The following CGREF1 variants were observed in gnomAD, a reference collection of about 807,000 sequenced individuals.
The protein encoded by CGREF1 is cell growth regulator with EF-hand domain 1, also known as cell growth regulator with EF hand domain protein 1.
CGREF1 carries 16 observed loss-of-function variants against 17.4 expected under a neutral mutation model. The ratio of observed to expected loss-of-function variants is 0.92; its 90% CI spans 0.62 to 1.40. CGREF1 has a LOEUF of 1.40. Among genes scored for constraint, CGREF1 ranks in the 40% most tolerant of loss-of-function variants. The pLI is 0.00. For synonymous variants in CGREF1, 142 were observed against 154.6 expected, an observed-to-expected ratio of 0.92 and a Z score of 0.61; for missense variants, 296 against 376.4, an observed-to-expected ratio of 0.79 and a Z score of 1.77.
In CGREF1 at chr2:27,101,011, G is replaced by A. The variant is rs1215077131; in HGVS notation, c.*263C>T. The A allele has an allele frequency of 3.9e-5, 50 of 1,269,578 alleles. No individual in the cohort carries two copies. In the East Asian group the frequency reaches 1.1e-3, roughly 27 times the overall value. The allele number at this position is 1,269,578 out of a possible 1,614,324, so 78.6% of individuals were successfully genotyped here. On this transcript the variant is annotated 3_prime_UTR_variant, in exon 6 of 6. Transcript: ENST00000402394. ...GGGCAGGCGGCATCCCTGTCCTTTC[G>A]GTCCCCAACCCCGTTCCTCTGAGAG...
chr2:27,109,371 T>TC (rs35803618), intron 1 of CGREF1, among the ~76,000 whole-genome samples: 1 of 133,888 alleles, frequency 7.5e-6, no homozygotes, highest in African/African-American at 2.8e-5. Flanking sequence ...GACCCTGTCT[T>TC]AAAAAAAAAA....
downstream of CGREF1, chr2:27,100,148 G>T (rs1670721588): frequency 7.7e-6 from 4 of 517,278 alleles, no homozygotes; most frequent in Non-Finnish European, 1.4e-5. Flanking sequence ...TGCCCTGGCT[G>T]GGGAGGACAC....
chr2:27,100,292 G>C (rs1670735775), downstream of CGREF1: 1 of 490,478 alleles, frequency 2.0e-6, no homozygotes, highest in South Asian at 1.8e-5. Flanking sequence ...AGGCCAGTGG[G>C]GGGCAGGGGT....
chr2:27,099,691 T>C (rs1485655131), downstream of CGREF1: 5 of 1,614,026 alleles, frequency 3.1e-6, no homozygotes, highest in Admixed American at 8.3e-5. Context: ...AGCACTGAGA[T>C]TCGGGTGCCA....
At chr2:27,116,766 G>A (rs1216827130) in intron 1 of CGREF1, among the ~76,000 whole-genome samples, 4 of 150,162 alleles carry the variant, frequency 2.7e-5, no homozygotes, top group Admixed American at 6.6e-5. Flanking sequence ...ATGGGGTTTC[G>A]GCATCTTGGC....
At chr2:27,110,082 G>A (rs969483543) in intron 1 of CGREF1, among the ~76,000 whole-genome samples, 4 of 151,850 alleles carry the variant, frequency 2.6e-5, no homozygotes, top group African/African-American at 9.7e-5. Flanking sequence ...GTAAAGGCTG[G>A]GTGTGTGGCT....
chr2:27,107,226 G>C (rs981779279), intron 1 of CGREF1, among the ~76,000 whole-genome samples: 1 of 150,568 alleles, frequency 6.6e-6, no homozygotes, highest in African/African-American at 2.5e-5. Flanking sequence ...GTTACACACA[G>C]AATATACAGC....
In CGREF1 at chr2:27,100,967, C is replaced by A; in HGVS notation, c.*307G>T. 8.5e-7 allele frequency: 1 copy of A among 1,171,840 alleles called. No individual in the cohort carries two copies. Among genetic ancestry groups the A allele is most frequent in the South Asian group, 2.9e-5 (1 of 33,928 alleles). The allele number at this position is 1,171,840 out of a possible 1,614,324, so 72.6% of individuals were successfully genotyped here. A position where few individuals can be genotyped will look rare whatever the true frequency, so the allele number is the denominator to read the frequency against. The stretch of plus-strand genomic sequence containing the variant: ...ACCATGCGCTCTGCTGCCGGAGCAC[C>A]GTGAGGCCCAGAAACACTGGGCAGG... On this transcript the variant is annotated 3_prime_UTR_variant, in exon 6 of 6. Transcript: ENST00000402394.
chr2:27,105,434 T>C (rs1481560151), intron 1 of CGREF1, among the ~76,000 whole-genome samples: 1 of 152,204 alleles, frequency 6.6e-6, no homozygotes, highest in Non-Finnish European at 1.5e-5. Flanking sequence ...ACCTGGCTAA[T>C]GGGAAGATAA....
At chr2:27,111,191 G>A (rs1297503550) in intron 1 of CGREF1, among the ~76,000 whole-genome samples, 1 of 152,122 alleles carries the variant, frequency 6.6e-6, no homozygotes, top group Non-Finnish European at 1.5e-5. Flanking sequence ...GAGCGGAGTG[G>A]TCTGTTTTGA....
chr2:27,107,243 A>G (rs1054382198), intron 1 of CGREF1, among the ~76,000 whole-genome samples: 5 of 96,352 alleles, frequency 5.2e-5, no homozygotes, highest in African/African-American at 2.2e-4. Context: ...CAGCAGATAC[A>G]GTTCACATTT....
At chr2:27,099,586 GGCA>G, downstream of CGREF1, 1 of 1,614,130 alleles carries the variant, frequency 6.2e-7, no homozygotes. Flanking sequence ...GGGTGAGTAT[GGCA>G]GCAGGAGGGG....
intron 1 of CGREF1, 148 bp from the exon 2 acceptor site, chr2:27,104,525 C>G: frequency 6.4e-7 from 1 of 1,550,962 alleles, no homozygotes; most frequent in South Asian, 1.2e-5. Context: ...GACTCACAGA[C>G]AGACAGCAGG....
chr2:27,100,752 C>T lies in CGREF1; in HGVS notation c.*522G>A. 8.6e-7 allele frequency: 1 copy of T among 1,166,376 alleles called. No homozygotes were observed. Among genetic ancestry groups the T allele is most frequent in the Non-Finnish European group, 1.1e-6 (1 of 923,956 alleles). 72.3% of individuals were successfully genotyped at this position (1,166,376 alleles called of 1,614,324 possible). A position where few individuals can be genotyped will look rare whatever the true frequency, so the allele number is the denominator to read the frequency against. On this transcript the variant is annotated 3_prime_UTR_variant, in exon 6 of 6. Transcript: ENST00000402394. ...CATATATAAAATGCCCAGCATGATGCCTGATGTGTACAAGGCTCTCAAAAA... is the reference window on the plus strand; with the variant it reads ...CATATATAAAATGCCCAGCATGATGTCTGATGTGTACAAGGCTCTCAAAAA...
intron 1 of CGREF1, chr2:27,104,853 T>TA: frequency 7.2e-7 from 1 of 1,394,210 alleles, no homozygotes; most frequent in African/African-American, 1.5e-5. Context: ...TTGTGTTTAT[T>TA]AAAAACCCAC....
intron 1 of CGREF1, among the ~76,000 whole-genome samples, chr2:27,107,254 T>TTTGGTTTTG (rs1553347152): frequency 1.3e-5 from 2 of 151,356 alleles, no homozygotes; most frequent in South Asian, 4.2e-4. Flanking sequence ...GTTCACATTT[T>TTTGGTTTTG]TTTTGTTTTG....
At chr2:27,114,147 A>C (rs1671492527) in intron 1 of CGREF1, among the ~76,000 whole-genome samples, 1 of 152,022 alleles carries the variant, frequency 6.6e-6, no homozygotes, top group Non-Finnish European at 1.5e-5. Context: ...GGTGCACGCC[A>C]CCACACCCAG....
At chr2:27,102,640 C>A in intron 2 of CGREF1, 49 bp from the exon 3 acceptor site, 1 of 1,551,528 alleles carries the variant, frequency 6.4e-7, no homozygotes, top group Non-Finnish European at 8.8e-7. Context: ...TCCCTCAGGG[C>A]CCAGCCTGCC....
downstream of CGREF1, chr2:27,100,402 C>A (rs1334882192): frequency 3.1e-6 from 4 of 1,286,464 alleles, no homozygotes; most frequent in Admixed American, 9.2e-5. Context: ...GAAAGTCTCA[C>A]CCTTGGAGCC....
Sources: gnomAD v4.1 joint callset for allele counts (sites outside exome capture counted in the v4.1 genomes callset) on GRCh38, gnomAD v4.1.1 for gene constraint, MANE v1.5 for transcripts, NCBI Gene and HGNC (gene_info 2026-07-23, HGNC 2026-07-21) for gene names.